Variants in C5orf22 observed in about 807,000 individuals in gnomAD.
C5orf22 encodes the protein UPF0489 protein C5orf22.
C5orf22 carries 36 observed loss-of-function variants against 48.7 expected under a neutral mutation model. That is an observed-to-expected ratio of 0.74 (90% CI 0.57 to 0.98). The LOEUF (loss-of-function observed/expected upper bound fraction) is 0.98. C5orf22 is among the 50% of genes least tolerant of loss of function. C5orf22 has a pLI of 0.00. For missense variants in C5orf22, 486 were observed against 521.9 expected (o/e 0.93, Z 0.67); for synonymous variants, 141 against 180.8 (o/e 0.78, Z 1.76).
intron 1 of C5orf22, among the ~76,000 whole-genome samples, chr5:31,533,189 C>T (rs145697434): frequency 4.5e-4 from 69 of 151,984 alleles, no homozygotes; most frequent in African/African-American, 1.2e-3. Flanking sequence ...TCTGACCTCA[C>T]GTGATCGGCC....
At position 31,552,998 on chromosome 5, in the gene C5orf22, A is replaced by T. The variant is rs1301340360; in HGVS notation, c.*96A>T. 13 of 1,072,386 alleles carry T rather than the reference A, an allele frequency of 1.2e-5. No individual in the cohort carries two copies. Among genetic ancestry groups the T allele is most frequent in the Non-Finnish European group, 1.6e-5 (12 of 744,726 alleles). The allele number at this position is 1,072,386 out of a possible 1,614,324, so 66.4% of individuals were successfully genotyped here. A position where few individuals can be genotyped will look rare whatever the true frequency, so the allele number is the denominator to read the frequency against. The stretch of plus-strand genomic sequence containing the variant: ...TGAGTCTTCCAGAGAACACTGTTTT[A>T]TATTAACTTTCAGTTGAAATCTTTC... On this transcript the variant is annotated 3_prime_UTR_variant, in exon 9 of 9. Coordinates refer to ENST00000325366, the MANE Select transcript of C5orf22 (RefSeq NM_018356.3).
chr5:31,545,707 G>T lies in C5orf22; in HGVS notation c.1054G>T (p.Glu352Ter), dbSNP rs1561327556. The change falls in exon 7 of 9, where the codon GAA becomes TAA. Residue 352 changes from glutamate (E) to a stop codon, truncating the protein, a stop_gained. Coordinates refer to ENST00000325366, the MANE Select transcript of C5orf22 (RefSeq NM_018356.3). LOFTEE classifies it high-confidence loss of function. ...AAAACGGATGGAAGTACCAGACTAT[G>T]AAATGGTAAATATTTTATATTAATG... is the stretch of plus-strand genomic sequence containing the variant. Reference protein sequence around the residue: ...LKKRMEVPDYEMVHQAGLTCD... With the variant: ...LKKRMEVPDY 10 of 1,587,748 alleles carry T rather than the reference G, an allele frequency of 6.3e-6. No individual in the cohort carries two copies. The highest frequency in any genetic ancestry group is 7.8e-6 in the Non-Finnish European group (9 of 1,157,782).
At position 31,535,864 on chromosome 5, in the gene C5orf22, A is replaced by G. The variant is rs765297513; in HGVS notation, c.348A>G (p.Val116=). Residue 116 remains valine (V), a synonymous_variant, in exon 3 of 9, where the codon GTA becomes GTG. Coordinates refer to ENST00000325366, the MANE Select transcript of C5orf22 (RefSeq NM_018356.3). ...GAGAGGGCAGACACCACTTTTTAGTAGGCAAAGACACTTCTACCACAACAA... is the reference window on the plus strand; with the variant it reads ...GAGAGGGCAGACACCACTTTTTAGTGGGCAAAGACACTTCTACCACAACAA... The part of the protein sequence containing the change: ...QIREGRHHFL[V]GKDTSTTTIR... 3.1e-6 allele frequency: 5 copies of G among 1,613,060 alleles called. No individual in the cohort carries two copies. The South Asian group carries it at 5.5e-5, about 18-fold the overall frequency.
intron 2 of C5orf22, 119 bp from the exon 3 acceptor site, chr5:31,535,625 A>G: frequency 1.5e-6 from 1 of 671,180 alleles, no homozygotes; most frequent in African/African-American, 1.9e-5. Flanking sequence ...AAAAAGTCTC[A>G]GGAACCACTC....
At chr5:31,551,059 A>T (rs2150081655) in intron 7 of C5orf22, among the ~76,000 whole-genome samples, 1 of 152,328 alleles carries the variant, frequency 6.6e-6, no homozygotes, top group South Asian at 2.1e-4. Context: ...GGAAAAAATA[A>T]TCCCAATGCA....
rs538001738 is a variant in C5orf22, at chr5:31,554,667, C to G, written c.*1765C>G. On this transcript the variant is annotated 3_prime_UTR_variant, in exon 9 of 9. Coordinates refer to ENST00000325366, the MANE Select transcript of C5orf22 (RefSeq NM_018356.3). ...AAAGGGTATGTTTTGAACTATAGCA[C>G]TAATTAATGTGTGTGATCCTAGTAT... The G allele has an allele frequency of 6.6e-6, 1 of 152,248 alleles. No individual in the cohort carries two copies. The highest frequency in any genetic ancestry group is 2.1e-4 in the South Asian group (1 of 4,828). The allele number at this position is 152,248 out of a possible 1,614,324, so 9.4% of individuals were successfully genotyped here. A position where few individuals can be genotyped will look rare whatever the true frequency, so the allele number is the denominator to read the frequency against.
chr5:31,546,906 C>G (rs1017144183), intron 7 of C5orf22, among the ~76,000 whole-genome samples: 1 of 152,158 alleles, frequency 6.6e-6, no homozygotes, highest in African/African-American at 2.4e-5. Flanking sequence ...CTCCTGTTCT[C>G]GAATTTCAAA....
At chr5:31,551,548 G>A (rs1743268050) in intron 8 of C5orf22, 116 bp downstream of exon 8, 3 of 777,796 alleles carry the variant, frequency 3.9e-6, no homozygotes, top group Non-Finnish European at 6.2e-6. Context: ...ATTAACTCAA[G>A]GATTTTGAGA....
At chr5:31,538,101 T>G in intron 3 of C5orf22, 159 bp from the exon 4 acceptor site, 2 of 617,278 alleles carry the variant, frequency 3.2e-6, no homozygotes, top group Non-Finnish European at 5.8e-6. Context: ...GCTAAGAATT[T>G]GAGGAATGCT....
chr5:31,544,602 A>G (rs1742726051), intron 6 of C5orf22, among the ~76,000 whole-genome samples: 1 of 151,668 alleles, frequency 6.6e-6, no homozygotes, highest in Non-Finnish European at 1.5e-5. Flanking sequence ...AAAAAAATGC[A>G]TCAATGTTAT....
chr5:31,541,818 A>C (rs71627311), intron 6 of C5orf22, among the ~76,000 whole-genome samples: 1 of 152,222 alleles, frequency 6.6e-6, no homozygotes, highest in Non-Finnish European at 1.5e-5. Flanking sequence ...ACATTTACTA[A>C]CAATAGTAGA....
chr5:31,548,528 A>G (rs1743038953), intron 7 of C5orf22: 2 of 448,512 alleles, frequency 4.5e-6, no homozygotes, highest in South Asian at 3.2e-5. Context: ...AGACCACCTC[A>G]GCCTGGATTT....
rs1317676286 is a variant in C5orf22 at position 31,553,845 on chromosome 5, T to C, written c.*943T>C. 2.6e-5 allele frequency: 4 copies of C among 151,978 alleles called. No individual in the cohort carries two copies. The highest frequency in any genetic ancestry group is 4.4e-5 in the Non-Finnish European group (3 of 68,016). The allele number at this position is 151,978 out of a possible 1,614,324, so 9.4% of individuals were successfully genotyped here. A position where few individuals can be genotyped will look rare whatever the true frequency, so the allele number is the denominator to read the frequency against. On this transcript the variant is annotated 3_prime_UTR_variant, in exon 9 of 9. Transcript: ENST00000325366. ...GATCAAAAAAGCCCTTCAGGGTCTC[T>C]TGTGCATCCAGGAGGTCATTGTAGA...
intron 5 of C5orf22, 47 bp from the exon 6 acceptor site, chr5:31,541,234 T>G: frequency 6.3e-7 from 1 of 1,577,150 alleles, no homozygotes; most frequent in Non-Finnish European, 8.6e-7. Context: ...GTTGCTTGTT[T>G]TTTGAAAGAA....
At chr5:31,541,433 C>G in intron 6 of C5orf22, 31 bp downstream of exon 6, 1 of 1,608,472 alleles carries the variant, frequency 6.2e-7, no homozygotes, top group South Asian at 1.1e-5. Context: ...TTTCCCCCAA[C>G]TCTACTAACT....
rs762874710 is a variant in C5orf22, at chr5:31,542,295, C to CA, written c.992+908dup. On this transcript the variant is annotated intron_variant, in intron 6 of 8. Transcript: ENST00000325366. ...GAAACCCAGTCTCTACTAAAAATAC[C>CA]AAAAAAAAAAAAAAATTAGCCGGGC... 5.6e-3 allele frequency among the ~76,000 whole-genome samples: 739 copies of CA among 131,132 alleles called. 5 individuals carry two copies. The highest frequency in any genetic ancestry group is 0.016 in the African/African-American group (566 of 35,716). 86.0% of individuals were successfully genotyped at this position (131,132 alleles called of 152,430 possible). A position where few individuals can be genotyped will look rare whatever the true frequency, so the allele number is the denominator to read the frequency against.
At chr5:31,551,929 A>G (rs577355132) in intron 8 of C5orf22, among the ~76,000 whole-genome samples, 1 of 152,292 alleles carries the variant, frequency 6.6e-6, no homozygotes, top group East Asian at 1.9e-4. Flanking sequence ...TAGAGCGTAA[A>G]ATGAGTTTAT....
intron 6 of C5orf22, among the ~76,000 whole-genome samples, chr5:31,544,365 T>G (rs1021219467): frequency 6.6e-6 from 1 of 151,966 alleles, no homozygotes; most frequent in South Asian, 2.1e-4. Context: ...GGGCGGATCA[T>G]GAGGTCAGGA....
Position 31,551,449 on chromosome 5 carries a change from G to T in C5orf22, c.1199+17G>T, listed in dbSNP as rs150296356. The T allele has an allele frequency of 2.5e-6, 4 of 1,592,858 alleles. No individual in the cohort carries two copies. The African/African-American group carries it at 5.4e-5, about 21-fold the overall frequency. ...AATTGCAAGGTAAGTGTGTTCAGCA[G>T]AATAATGGCAAATCAGAGATGTGCA... is the stretch of plus-strand genomic sequence containing the variant. On this transcript the variant is annotated intron_variant, in intron 8 of 8. Transcript: ENST00000325366.
Sources: allele counts gnomAD v4.1 joint callset (sites outside exome capture counted in the v4.1 genomes callset), GRCh38; gene constraint gnomAD v4.1.1; transcripts MANE v1.5; gene names NCBI Gene and HGNC (gene_info 2026-07-23, HGNC 2026-07-21).